Variants in AGO3 observed in about 807,000 individuals in gnomAD.
AGO3 encodes the protein argonaute RISC catalytic component 3, also known as protein argonaute-3.
AGO3 carries 16 observed loss-of-function variants against 105.5 expected under a neutral mutation model. That is an observed-to-expected ratio of 0.15 (90% CI 0.10 to 0.23). The LOEUF is 0.23. Among genes scored for constraint, AGO3 ranks in the 10% least tolerant of loss-of-function variants. The probability of loss-of-function intolerance (pLI) is 1.00; values close to 1 mark genes in which losing one functional copy is unlikely to be tolerated. For synonymous variants in AGO3, 340 were observed against 367.3 expected, an observed-to-expected ratio of 0.93 and a Z score of 0.85; for missense variants, 534 against 1,088.0, an observed-to-expected ratio of 0.49 and a Z score of 7.16.
At chr1:36,041,039 C>T (rs1007031562) in intron 16 of AGO3, among the ~76,000 whole-genome samples, 1 of 140,684 alleles carries the variant, frequency 7.1e-6, no homozygotes, top group African/African-American at 2.7e-5. Flanking sequence ...TGCCACTGTA[C>T]TCCAGCCTGG....
intron 5 of AGO3, among the ~76,000 whole-genome samples, chr1:36,000,363 A>C (rs1640029689): frequency 6.6e-6 from 1 of 152,164 alleles, no homozygotes; most frequent in Admixed American, 6.6e-5. Flanking sequence ...TTTACCTCAA[A>C]TGCCCACCTT....
At chr1:36,003,709 A>AAAAAAAAAAAAATATATATAT (rs1295618675) in intron 5 of AGO3, among the ~76,000 whole-genome samples, 1 of 99,436 alleles carries the variant, frequency 1.0e-5, no homozygotes, top group South Asian at 3.8e-4. Flanking sequence ...AAAAAAAAAA[A>AAAAAAAAAAAAATATATATAT]ATATATATAT....
At chr1:36,046,009 G>A (rs1004538776) in intron 17 of AGO3, among the ~76,000 whole-genome samples, 2 of 152,146 alleles carry the variant, frequency 1.3e-5, no homozygotes, top group Non-Finnish European at 2.9e-5. Flanking sequence ...CTGGGAACCA[G>A]GAGGAACTTC....
chr1:35,940,687 C>T (rs979866815), intron 1 of AGO3, among the ~76,000 whole-genome samples: 1 of 152,176 alleles, frequency 6.6e-6, no homozygotes, highest in Non-Finnish European at 1.5e-5. Flanking sequence ...TTATCAAGGT[C>T]AGCAAAGACT....
intron 1 of AGO3, among the ~76,000 whole-genome samples, chr1:35,943,866 G>A (rs1436571094): frequency 1.3e-5 from 2 of 151,872 alleles, no homozygotes; most frequent in Non-Finnish European, 2.9e-5. Flanking sequence ...CTCCCAAAGT[G>A]CTGGGATTAC....
At chr1:36,048,809 C>A (rs1378542576) in intron 17 of AGO3, among the ~76,000 whole-genome samples, 1 of 152,174 alleles carries the variant, frequency 6.6e-6, no homozygotes, top group Non-Finnish European at 1.5e-5. Flanking sequence ...CTTGCCCCAG[C>A]CTCCTGCATG....
chr1:36,045,941 C>T (rs1401465979), intron 17 of AGO3, among the ~76,000 whole-genome samples: 1 of 152,134 alleles, frequency 6.6e-6, no homozygotes, highest in Non-Finnish European at 1.5e-5. Context: ...GGGATGACCA[C>T]ACAGAGAACA....
intron 5 of AGO3, among the ~76,000 whole-genome samples, chr1:35,980,240 T>C (rs568569994): frequency 2.0e-5 from 3 of 152,230 alleles, no homozygotes. Flanking sequence ...TATTGCTCTT[T>C]ATAATTTTAT....
rs569760107 is a variant in AGO3 at position 36,004,228 on chromosome 1, A to G, written c.659-113A>G. 3.3e-4 allele frequency: 376 copies of G among 1,131,788 alleles called. No individual in the cohort carries two copies. The African/African-American group carries it at 4.8e-3, about 14-fold the overall frequency. 70.1% of individuals were successfully genotyped at this position (1,131,788 alleles called of 1,614,324 possible). ...ATTTTGGAAATTTGTATGTACATAA[A>G]TGTGCATAAAGGATCATTTTAACCC... On this transcript the variant is annotated intron_variant, in intron 5 of 18. Transcript: ENST00000373191.
chr1:35,944,756 G>A (rs1646329863), intron 1 of AGO3, among the ~76,000 whole-genome samples: 1 of 151,784 alleles, frequency 6.6e-6, no homozygotes, highest in South Asian at 2.1e-4. Context: ...TGCCCGCTTT[G>A]GCCTCCCAAA....
chr1:35,986,428 C>G (rs937918444), intron 5 of AGO3, among the ~76,000 whole-genome samples: 3 of 152,202 alleles, frequency 2.0e-5, no homozygotes, highest in African/African-American at 7.2e-5. Context: ...ATGGCTCATG[C>G]CTATAATCCC....
chr1:35,960,798 G>A (rs558514214), intron 2 of AGO3, among the ~76,000 whole-genome samples: 104 of 152,074 alleles, frequency 6.8e-4, no homozygotes, highest in Non-Finnish European at 2.8e-4. Flanking sequence ...AAATTGACCC[G>A]TATACTATAG....
At chr1:35,943,487 G>C (rs1455831746) in intron 1 of AGO3, among the ~76,000 whole-genome samples, 1 of 151,352 alleles carries the variant, frequency 6.6e-6, no homozygotes. Context: ...TTTTAGTAGA[G>C]ACAGGGTTTC....
At chr1:35,997,632 C>T (rs745696051) in intron 5 of AGO3, among the ~76,000 whole-genome samples, 1 of 152,130 alleles carries the variant, frequency 6.6e-6, no homozygotes, top group African/African-American at 2.4e-5. Flanking sequence ...TTCGCCTTAA[C>T]GATATTTTCA....
At chr1:36,032,804 A>G (rs754079706) in intron 12 of AGO3, among the ~76,000 whole-genome samples, 2 of 152,174 alleles carry the variant, frequency 1.3e-5, no homozygotes, top group African/African-American at 2.4e-5. Flanking sequence ...AGCGTGGCCA[A>G]CATGGCAAGA....
chr1:35,991,269 G>A (rs1647622679), intron 5 of AGO3, among the ~76,000 whole-genome samples: 1 of 152,026 alleles, frequency 6.6e-6, no homozygotes, highest in Admixed American at 6.6e-5. Flanking sequence ...CACCCAGCTT[G>A]GGCGACAGAG....
At chr1:35,936,002 T>C (rs528220817) in intron 1 of AGO3, among the ~76,000 whole-genome samples, 1 of 152,362 alleles carries the variant, frequency 6.6e-6, no homozygotes, top group African/African-American at 2.4e-5. Context: ...CAGACCTGTT[T>C]AGTCTCAGAC....
chr1:36,014,184 A>T, intron 11 of AGO3, 136 bp downstream of exon 11: 3 of 1,164,660 alleles, frequency 2.6e-6, no homozygotes, highest in Non-Finnish European at 2.4e-6. Context: ...TTTGAGACAG[A>T]GTCTCACTCT....
rs1642884150 is a variant in AGO3 at position 36,055,414 on chromosome 1, A to G, written c.2475-223A>G. On this transcript the variant is annotated intron_variant, in intron 18 of 18. Coordinates refer to ENST00000373191, the MANE Select transcript of AGO3 (RefSeq NM_024852.4). The surrounding 1 kb of genome is among the most constrained non-coding windows in gnomAD (Gnocchi z 4.4). ...TCAGACAGATAGACAAAATGATACG[A>G]TATCTAGGTTTGCTTCTAATTAATT... Among the ~76,000 whole-genome samples, 1 of 152,202 alleles carries G rather than the reference A, an allele frequency of 6.6e-6. No individual in the cohort carries two copies. The highest frequency in any genetic ancestry group is 2.4e-5 in the African/African-American group (1 of 41,450).
Sources: gnomAD v4.1 joint callset for allele counts (sites outside exome capture counted in the v4.1 genomes callset) on GRCh38, gnomAD v4.1.1 for gene constraint, Gnocchi (gnomAD v3.1) non-coding constraint, MANE v1.5 for transcripts, NCBI Gene and HGNC (gene_info 2026-07-23, HGNC 2026-07-21) for gene names.